ST8SIA1: variants seen among roughly 807,000 people sequenced by gnomAD.
The protein encoded by ST8SIA1 is ST8 alpha-N-acetyl-neuraminide alpha-2,8-sialyltransferase 1, also known as alpha-N-acetylneuraminide alpha-2,8-sialyltransferase.
In ST8SIA1, 16 loss-of-function variants were observed where a neutral mutation model predicts 35.9. The ratio of observed to expected loss-of-function variants is 0.45; its 90% CI spans 0.30 to 0.68. The LOEUF is 0.68. ST8SIA1 is among the 30% of genes least tolerant of loss of function. ST8SIA1 has a pLI of 0.09. For missense variants in ST8SIA1, 383 were observed against 453.6 expected (o/e 0.84, Z 1.41); for synonymous variants, 170 against 169.6 (o/e 1.00, Z -0.02).
intron 1 of ST8SIA1, among the ~76,000 whole-genome samples, chr12:22,292,212 A>G (rs2135819603): frequency 6.6e-6 from 1 of 152,330 alleles, no homozygotes; most frequent in African/African-American, 2.4e-5. Flanking sequence ...AAGTTCCATG[A>G]GGAATAAATA....
chr12:22,193,433 C>A lies in ST8SIA1; in HGVS notation c.*8119G>T, dbSNP rs1345696565. 6.6e-6 allele frequency: 1 copy of A among 152,180 alleles called. No homozygotes were observed. The highest frequency in any genetic ancestry group is 1.5e-5 in the Non-Finnish European group (1 of 68,010). The allele number at this position is 152,180 out of a possible 1,614,324, so 9.4% of individuals were successfully genotyped here. On this transcript the variant is annotated 3_prime_UTR_variant, in exon 5 of 5. Coordinates refer to ENST00000396037, the MANE Select transcript of ST8SIA1 (RefSeq NM_003034.4). Reference sequence around the variant, plus strand: ...TTCACAGGGTACATTTACAAATTTTCTCCAAGTAAAGGAGGTAGAGAAATT... The same window carrying A: ...TTCACAGGGTACATTTACAAATTTTATCCAAGTAAAGGAGGTAGAGAAATT...
intron 2 of ST8SIA1, among the ~76,000 whole-genome samples, chr12:22,278,328 T>C (rs1865994993): frequency 6.6e-6 from 1 of 152,234 alleles, no homozygotes; most frequent in South Asian, 2.1e-4. Flanking sequence ...CTTTTTTGGA[T>C]TTTAAAATAT....
chr12:22,243,468 T>C (rs1036057001), intron 4 of ST8SIA1, among the ~76,000 whole-genome samples: 3 of 152,224 alleles, frequency 2.0e-5, no homozygotes, highest in Non-Finnish European at 2.9e-5. Context: ...CATGAGAGTA[T>C]AGCATCATCT....
At chr12:22,254,793 C>T (rs1865711106) in intron 3 of ST8SIA1, among the ~76,000 whole-genome samples, 1 of 152,184 alleles carries the variant, frequency 6.6e-6, no homozygotes, top group Non-Finnish European at 1.5e-5. Flanking sequence ...TTTACCCCTG[C>T]TCCTTTGTTC....
chr12:22,274,204 G>C (rs1229088580), intron 2 of ST8SIA1, among the ~76,000 whole-genome samples: 2 of 152,192 alleles, frequency 1.3e-5, no homozygotes, highest in Admixed American at 6.5e-5. Context: ...CAAGCCTTAA[G>C]GGGTTTATCT....
At chr12:22,255,788 A>G (rs1487427635) in intron 2 of ST8SIA1, among the ~76,000 whole-genome samples, 1 of 152,240 alleles carries the variant, frequency 6.6e-6, no homozygotes, top group African/African-American at 2.4e-5. Flanking sequence ...ATTCATTCAT[A>G]CAATCAGCCA....
At chr12:22,248,173 G>A (rs1865626368) in intron 4 of ST8SIA1, among the ~76,000 whole-genome samples, 1 of 152,162 alleles carries the variant, frequency 6.6e-6, no homozygotes, top group African/African-American at 2.4e-5. Flanking sequence ...GTGCCACGTT[G>A]TGAATAAGTG....
At chr12:22,268,421 A>G (rs542562680) in intron 2 of ST8SIA1, 2 of 152,400 alleles carry the variant, frequency 1.3e-5, no homozygotes, top group Admixed American at 6.5e-5. Flanking sequence ...CAAAGGGCAC[A>G]TGGCCAAATG....
Position 22,334,029 on chromosome 12 carries a change from C to T in ST8SIA1, c.204G>A (p.Trp68Ter). Residue 68 changes from tryptophan (W) to a stop codon, truncating the protein, a stop_gained, in exon 1 of 5, where the codon TGG (tryptophan) becomes TGA (stop). Coordinates refer to ENST00000396037, the MANE Select transcript of ST8SIA1 (RefSeq NM_003034.4). LOFTEE classifies it high-confidence loss of function. The part of the protein sequence containing the change: ...VQGVLQQGTA[W>*]RRNQTAARAF... Reference sequence around the variant, plus strand: ...CTCTGGCCGCGGTCTGGTTCCTCCTCCACGCCGTGCCCTGTTGCAGCACCC... The same window carrying T: ...CTCTGGCCGCGGTCTGGTTCCTCCTTCACGCCGTGCCCTGTTGCAGCACCC... 1 of 1,613,962 alleles carries T rather than the reference C, an allele frequency of 6.2e-7. No homozygotes were observed. Among genetic ancestry groups the T allele is most frequent in the East Asian group, 2.2e-5 (1 of 44,830 alleles).
intron 1 of ST8SIA1, chr12:22,333,767 T>C (rs933301387): frequency 1.4e-6 from 1 of 736,226 alleles, no homozygotes; most frequent in Non-Finnish European, 2.5e-6. Flanking sequence ...GTCGAGTCTT[T>C]ACATGCGCAA....
chr12:22,271,416 A>T (rs2135806415), intron 2 of ST8SIA1, among the ~76,000 whole-genome samples: 1 of 152,320 alleles, frequency 6.6e-6, no homozygotes, highest in African/African-American at 2.4e-5. Context: ...CTCCTCAGTC[A>T]TCTTCTAAGT....
At chr12:22,319,709 A>G (rs1298061382) in intron 1 of ST8SIA1, among the ~76,000 whole-genome samples, 3 of 152,166 alleles carry the variant, frequency 2.0e-5, no homozygotes, top group East Asian at 1.9e-4. Flanking sequence ...GGGAGCAAGA[A>G]AAACCTATTG....
chr12:22,249,783 C>T (rs997558034), intron 3 of ST8SIA1, among the ~76,000 whole-genome samples: 5 of 152,146 alleles, frequency 3.3e-5, no homozygotes, highest in African/African-American at 1.2e-4. Flanking sequence ...AAGCTCAGGA[C>T]AGTGTGATAC....
chr12:22,320,930 A>G (rs75175441), intron 1 of ST8SIA1, among the ~76,000 whole-genome samples: 18 of 29,714 alleles, frequency 6.1e-4, no homozygotes, highest in African/African-American at 2.8e-3. Context: ...AGAAAGGAAG[A>G]AAGAAAGAAA....
At chr12:22,309,400 G>T (rs916701394) in intron 1 of ST8SIA1, among the ~76,000 whole-genome samples, 6 of 152,140 alleles carry the variant, frequency 3.9e-5, no homozygotes, top group Non-Finnish European at 8.8e-5. Context: ...CACAGTAAGG[G>T]TCTTTGTGTC....
intron 1 of ST8SIA1, among the ~76,000 whole-genome samples, chr12:22,297,465 A>T (rs1188803808): frequency 6.6e-6 from 1 of 151,632 alleles, no homozygotes; most frequent in African/African-American, 2.4e-5. Context: ...TGTGGGTAAG[A>T]TTCAAAATTA....
At chr12:22,332,981 G>T (rs970991387) in intron 1 of ST8SIA1, among the ~76,000 whole-genome samples, 1 of 152,120 alleles carries the variant, frequency 6.6e-6, no homozygotes, top group Non-Finnish European at 1.5e-5. Flanking sequence ...AGGTGAAAGG[G>T]GCACCTCGCA....
intron 4 of ST8SIA1, among the ~76,000 whole-genome samples, chr12:22,235,038 C>T (rs965834871): frequency 1.3e-5 from 2 of 152,004 alleles, no homozygotes; most frequent in African/African-American, 2.4e-5. Flanking sequence ...TGTATGTGCA[C>T]GTGTGTGAGC....
chr12:22,259,094 C>T (rs1234158111), intron 2 of ST8SIA1, among the ~76,000 whole-genome samples: 1 of 152,128 alleles, frequency 6.6e-6, no homozygotes, highest in Non-Finnish European at 1.5e-5. Flanking sequence ...TTTCTTTCCT[C>T]CTTCTAGCAG....
Sources: allele counts gnomAD v4.1 joint callset (sites outside exome capture counted in the v4.1 genomes callset), GRCh38; gene constraint gnomAD v4.1.1; transcripts MANE v1.5; gene names NCBI Gene and HGNC (gene_info 2026-07-23, HGNC 2026-07-21).